Variants in LHFPL3 observed in about 807,000 individuals in gnomAD.
LHFPL3 encodes LHFPL tetraspan subfamily member 3.
Under a neutral mutation model 19.3 loss-of-function variants are expected in LHFPL3, and 5 were observed. The ratio of observed to expected loss-of-function variants is 0.26; its 90% CI spans 0.14 to 0.54. LHFPL3 has a LOEUF of 0.54. Ranked by LOEUF, LHFPL3 falls within the 20% of genes least tolerant of loss-of-function variation. LHFPL3 has a pLI of 0.94. For synonymous variants in LHFPL3, 133 were observed against 126.2 expected (o/e 1.05, Z -0.36); for missense variants, 249 against 307.4 (o/e 0.81, Z 1.42).
intron 2 of LHFPL3, among the ~76,000 whole-genome samples, chr7:104,862,321 G>A (rs1024619953): frequency 1.5e-4 from 23 of 152,146 alleles, no homozygotes; most frequent in Non-Finnish European, 2.4e-4. Context: ...AACTTCAGGA[G>A]TGGACTTGAA....
chr7:104,802,503 A>G (rs1047790676), intron 2 of LHFPL3, among the ~76,000 whole-genome samples: 9 of 144,282 alleles, frequency 6.2e-5, no homozygotes, highest in African/African-American at 2.0e-4. Flanking sequence ...AAAAAAAAAA[A>G]AAAAAAAAAA....
rs115472149 is a variant in LHFPL3 at position 104,671,637 on chromosome 7, G to A, written c.446-65038G>A. ...GACTTTTCCACTATAAGATCATATA[G>A]TGATATCACATTCTGGCTCCAATAC... On this transcript the variant is annotated intron_variant, in intron 1 of 2. Coordinates refer to ENST00000424859, the MANE Select transcript of LHFPL3 (RefSeq NM_199000.3). Among the ~76,000 whole-genome samples the A allele has an allele frequency of 6.9e-3, 1,039 of 150,882 alleles. 12 individuals are homozygous for A. The highest frequency in any genetic ancestry group is 0.022 in the African/African-American group (917 of 41,078).
chr7:104,603,110 C>CT (rs1791010817), intron 1 of LHFPL3, among the ~76,000 whole-genome samples: 1 of 130,866 alleles, frequency 7.6e-6, no homozygotes, highest in African/African-American at 2.9e-5. Flanking sequence ...TTCTTTCTTT[C>CT]TTTCTTTCTT....
At chr7:104,811,375 T>G (rs976665654) in intron 2 of LHFPL3, among the ~76,000 whole-genome samples, 1 of 151,916 alleles carries the variant, frequency 6.6e-6, no homozygotes, top group African/African-American at 2.4e-5. Flanking sequence ...TTTAATTTTA[T>G]TTTTTTGTAG....
At chr7:104,494,712 C>T (rs768974) in intron 1 of LHFPL3, among the ~76,000 whole-genome samples, 75,657 of 151,882 alleles carry the variant, frequency 0.5, 19,644 homozygotes, top group Non-Finnish European at 0.58. Context: ...CCCTTCCTTG[C>T]TTGCACCCTC....
At chr7:104,621,524 C>T (rs1299765290) in intron 1 of LHFPL3, among the ~76,000 whole-genome samples, 1 of 152,180 alleles carries the variant, frequency 6.6e-6, no homozygotes, top group Non-Finnish European at 1.5e-5. Flanking sequence ...AGAGGACGCC[C>T]AGGAGCTCAG....
chr7:104,542,874 T>C (rs1794514169), intron 1 of LHFPL3, among the ~76,000 whole-genome samples: 1 of 152,126 alleles, frequency 6.6e-6, no homozygotes, highest in Non-Finnish European at 1.5e-5. Flanking sequence ...GCAGCACTAT[T>C]TACAATAGCA....
chr7:104,815,295 C>T (rs1790543088), intron 2 of LHFPL3, among the ~76,000 whole-genome samples: 1 of 152,124 alleles, frequency 6.6e-6, no homozygotes, highest in South Asian at 2.1e-4. Context: ...CTCCAGACGG[C>T]CTGCTGCTGC....
chr7:104,544,680 T>C (rs1211244623), intron 1 of LHFPL3, among the ~76,000 whole-genome samples: 1 of 152,164 alleles, frequency 6.6e-6, no homozygotes, highest in Non-Finnish European at 1.5e-5. Flanking sequence ...ACTCAGCCCT[T>C]CATAGTGCAT....
At chr7:104,565,320 A>C (rs1344453705) in intron 1 of LHFPL3, among the ~76,000 whole-genome samples, 1 of 152,242 alleles carries the variant, frequency 6.6e-6, no homozygotes, top group Non-Finnish European at 1.5e-5. Flanking sequence ...CCTCCTAATA[A>C]GAAAGTTCTG....
At chr7:104,819,329 C>T (rs1053780792) in intron 2 of LHFPL3, among the ~76,000 whole-genome samples, 1 of 150,330 alleles carries the variant, frequency 6.7e-6, no homozygotes, top group African/African-American at 2.5e-5. Flanking sequence ...ATCTGCTGTT[C>T]TTCACCCATC....
At chr7:104,636,244 GAGGTAGA>G (rs1562955224) in intron 1 of LHFPL3, among the ~76,000 whole-genome samples, 3 of 152,142 alleles carry the variant, frequency 2.0e-5, no homozygotes, top group African/African-American at 7.2e-5. Context: ...GATGCATTTA[GAGGTAGA>G]AGTATACGTA....
chr7:104,462,274 C>T (rs1264030397), intron 1 of LHFPL3, among the ~76,000 whole-genome samples: 2 of 152,162 alleles, frequency 1.3e-5, no homozygotes, highest in African/African-American at 4.8e-5. Context: ...ACTTCCAATA[C>T]TACATTGAAT....
At chr7:104,860,754 T>C (rs1421587847) in intron 2 of LHFPL3, among the ~76,000 whole-genome samples, 1 of 152,226 alleles carries the variant, frequency 6.6e-6, no homozygotes, top group African/African-American at 2.4e-5. Flanking sequence ...TACCAGTGAA[T>C]GCCTGTCTCT....
chr7:104,700,535 A>G (rs1215592551), intron 1 of LHFPL3, among the ~76,000 whole-genome samples: 1 of 152,144 alleles, frequency 6.6e-6, no homozygotes, highest in Non-Finnish European at 1.5e-5. Flanking sequence ...AGTCATCTGT[A>G]TTCTGTTTAT....
intron 1 of LHFPL3, among the ~76,000 whole-genome samples, chr7:104,521,774 A>C (rs1356912306): frequency 6.6e-6 from 1 of 152,224 alleles, no homozygotes; most frequent in Non-Finnish European, 1.5e-5. Flanking sequence ...TAGCCAAAAA[A>C]CACATGAAAA....
intron 2 of LHFPL3, chr7:104,797,096 T>C (rs527881853): frequency 1.3e-5 from 2 of 152,464 alleles, no homozygotes; most frequent in East Asian, 3.9e-4. Flanking sequence ...CAAAGTCCAC[T>C]CCTGGTGTCA....
At chr7:104,584,009 G>A (rs1197055361) in intron 1 of LHFPL3, among the ~76,000 whole-genome samples, 3 of 152,152 alleles carry the variant, frequency 2.0e-5, no homozygotes, top group Non-Finnish European at 4.4e-5. Context: ...ACATGAACAT[G>A]TATGTTTATT....
At chr7:104,811,409 C>T (rs554191253) in intron 2 of LHFPL3, among the ~76,000 whole-genome samples, 3 of 152,102 alleles carry the variant, frequency 2.0e-5, no homozygotes, top group Non-Finnish European at 4.4e-5. Context: ...CCAAGTTTCC[C>T]AGGCTGATCT....
Sources: gnomAD v4.1 joint callset for allele counts (sites outside exome capture counted in the v4.1 genomes callset) on GRCh38, gnomAD v4.1.1 for gene constraint, MANE v1.5 for transcripts, NCBI Gene and HGNC (gene_info 2026-07-23, HGNC 2026-07-21) for gene names.